The following FBXL7 variants were observed in gnomAD, a reference collection of about 807,000 sequenced individuals.
The protein encoded by FBXL7 is F-box and leucine rich repeat protein 7.
Under a neutral mutation model 38.3 loss-of-function variants are expected in FBXL7, and 12 were observed. The ratio of observed to expected loss-of-function variants is 0.31; its 90% CI spans 0.20 to 0.51. The LOEUF (loss-of-function observed/expected upper bound fraction) is 0.51. Among genes scored for constraint, FBXL7 ranks in the 20% least tolerant of loss-of-function variants. The probability of loss-of-function intolerance (pLI) is 0.98; values close to 1 mark genes in which losing one functional copy is unlikely to be tolerated. For synonymous variants in FBXL7, 297 were observed against 300.9 expected, an observed-to-expected ratio of 0.99 and a Z score of 0.13; for missense variants, 567 against 676.4, an observed-to-expected ratio of 0.84 and a Z score of 1.79.
intron 1 of FBXL7, among the ~76,000 whole-genome samples, chr5:15,541,078 G>A (rs1580359571): frequency 6.6e-6 from 1 of 151,416 alleles, no homozygotes; most frequent in South Asian, 2.1e-4. Context: ...GTGCATATAT[G>A]TGTGCACATA....
At chr5:15,853,039 C>T (rs1483653033) in intron 2 of FBXL7, among the ~76,000 whole-genome samples, 1 of 152,168 alleles carries the variant, frequency 6.6e-6, no homozygotes, top group African/African-American at 2.4e-5. Flanking sequence ...CTCTATGAGG[C>T]AGATCATGCT....
intron 2 of FBXL7, among the ~76,000 whole-genome samples, chr5:15,804,531 A>T (rs2126745284): frequency 6.6e-6 from 1 of 152,336 alleles, no homozygotes; most frequent in Non-Finnish European, 1.5e-5. Flanking sequence ...TATTATTTAT[A>T]GTTTTGAGAT....
At chr5:15,903,614 A>G (rs1741284976) in intron 2 of FBXL7, among the ~76,000 whole-genome samples, 1 of 152,116 alleles carries the variant, frequency 6.6e-6, no homozygotes. Context: ...ATAGCAACTT[A>G]ATGTTTCTTT....
chr5:15,737,890 C>A lies in FBXL7; in HGVS notation c.127+121818C>A, dbSNP rs187328842. 6.0e-4 allele frequency among the ~76,000 whole-genome samples: 91 copies of A among 152,280 alleles called. 1 individual carries two copies. Among genetic ancestry groups the A allele is most frequent in the Non-Finnish European group, 5.9e-5 (4 of 68,028 alleles). On this transcript the variant is annotated intron_variant, in intron 2 of 3. Transcript: ENST00000504595. ...CCATCAGTTCTGGACTTCTGTGTTA[C>A]CATCTTTGCTCATTCTGACATCATG...
chr5:15,556,209 G>A (rs1738235553), intron 1 of FBXL7, among the ~76,000 whole-genome samples: 1 of 151,992 alleles, frequency 6.6e-6, no homozygotes, highest in East Asian at 1.9e-4. Flanking sequence ...CTGCCATCTG[G>A]GAGTTGGAGG....
intron 1 of FBXL7, among the ~76,000 whole-genome samples, chr5:15,549,235 C>G (rs1737997346): frequency 6.6e-6 from 1 of 152,156 alleles, no homozygotes; most frequent in African/African-American, 2.4e-5. Flanking sequence ...TAGAATAATT[C>G]CCATCACAAA....
At chr5:15,930,562 T>C (rs1001879491) in intron 3 of FBXL7, among the ~76,000 whole-genome samples, 1 of 152,368 alleles carries the variant, frequency 6.6e-6, no homozygotes, top group East Asian at 1.9e-4. Context: ...CTTGCGCTTC[T>C]AGCCTTAGTG....
At chr5:15,901,577 T>C (rs941023867) in intron 2 of FBXL7, among the ~76,000 whole-genome samples, 2 of 152,206 alleles carry the variant, frequency 1.3e-5, no homozygotes, top group African/African-American at 4.8e-5. Context: ...CATAATTTAC[T>C]TCCCTACAAG....
At chr5:15,573,791 C>G (rs139057552) in intron 1 of FBXL7, among the ~76,000 whole-genome samples, 1 of 152,118 alleles carries the variant, frequency 6.6e-6, no homozygotes, top group Non-Finnish European at 1.5e-5. Context: ...GTGAGGTCAT[C>G]GGTACAAATT....
intron 2 of FBXL7, among the ~76,000 whole-genome samples, chr5:15,736,475 A>G (rs1047620297): frequency 1.8e-4 from 27 of 152,336 alleles, no homozygotes; most frequent in African/African-American, 6.3e-4. Context: ...GATTTTTCTT[A>G]TAAGTTTCAA....
intron 1 of FBXL7, among the ~76,000 whole-genome samples, chr5:15,597,446 T>G (rs985320044): frequency 6.7e-6 from 1 of 149,722 alleles, no homozygotes; most frequent in African/African-American, 2.5e-5. Context: ...TTATTCTGCC[T>G]GTCCCAAACC....
intron 2 of FBXL7, among the ~76,000 whole-genome samples, chr5:15,839,720 G>T (rs1045533940): frequency 1.3e-5 from 2 of 151,796 alleles, no homozygotes; most frequent in African/African-American, 4.8e-5. Flanking sequence ...TATTTAATAA[G>T]ATCATTTCTC....
chr5:15,822,233 G>T (rs191842282), intron 2 of FBXL7, among the ~76,000 whole-genome samples: 1 of 151,350 alleles, frequency 6.6e-6, no homozygotes, highest in African/African-American at 2.4e-5. Context: ...TTGGTGGCAC[G>T]TGCCTATAGT....
chr5:15,699,987 G>A lies in FBXL7; in HGVS notation c.127+83915G>A, dbSNP rs532107690. On this transcript the variant is annotated intron_variant, in intron 2 of 3. Transcript: ENST00000504595. ...CATCTATTTTGACAGGAGTGGGGAC[G>A]TGAGGTTCTCAAGTTATGCTTGCTT... Among the ~76,000 whole-genome samples, 4 of 152,300 alleles carry A rather than the reference G, an allele frequency of 2.6e-5. 1 individual carries two copies. The South Asian group carries it at 6.2e-4, about 24-fold the overall frequency.
intron 1 of FBXL7, among the ~76,000 whole-genome samples, chr5:15,601,107 G>A (rs1016555465): frequency 2.0e-5 from 3 of 152,350 alleles, no homozygotes; most frequent in South Asian, 2.1e-4. Context: ...ACTCAGAAGA[G>A]GCAGTTATGG....
intron 2 of FBXL7, among the ~76,000 whole-genome samples, chr5:15,644,057 G>A (rs78669646): frequency 0.012 from 1,804 of 152,302 alleles, 29 homozygotes; most frequent in African/African-American, 0.041. Flanking sequence ...TCCTTGCCAA[G>A]TCTGTCCTCC....
intron 2 of FBXL7, among the ~76,000 whole-genome samples, chr5:15,696,056 C>CTT (rs938745150): frequency 1.6e-4 from 24 of 152,282 alleles, no homozygotes; most frequent in African/African-American, 5.8e-4. Context: ...CCCTTTGCTA[C>CTT]TTTTTGTTAC....
chr5:15,584,860 A>G (rs147932698), intron 1 of FBXL7, among the ~76,000 whole-genome samples: 2,350 of 152,302 alleles, frequency 0.015, 62 homozygotes, highest in African/African-American at 0.052. Context: ...GCCTCAGGAA[A>G]CTTACAGTCA....
At chr5:15,632,661 G>A (rs6869070) in intron 2 of FBXL7, among the ~76,000 whole-genome samples, 70,392 of 151,950 alleles carry the variant, frequency 0.46, 17,059 homozygotes, top group African/African-American at 0.61. Flanking sequence ...AATGTGGTAT[G>A]TATACACCAT....
Sources: gnomAD v4.1 joint callset for allele counts (sites outside exome capture counted in the v4.1 genomes callset) on GRCh38, gnomAD v4.1.1 for gene constraint, MANE v1.5 for transcripts, NCBI Gene and HGNC (gene_info 2026-07-23, HGNC 2026-07-21) for gene names.